RB1CC1: variants seen among roughly 807,000 people sequenced by gnomAD.
RB1CC1 encodes the protein RB1 inducible coiled-coil 1, also known as RB1-inducible coiled-coil protein 1.
A neutral mutation model predicts 177.5 loss-of-function variants in RB1CC1; 46 were observed. The ratio of observed to expected loss-of-function variants is 0.26; its 90% CI spans 0.20 to 0.33. The LOEUF (loss-of-function observed/expected upper bound fraction) is 0.33. Ranked by LOEUF, RB1CC1 falls within the 10% of genes least tolerant of loss-of-function variation. The probability of loss-of-function intolerance (pLI) is 1.00; values close to 1 mark genes in which losing one functional copy is unlikely to be tolerated. For synonymous variants in RB1CC1, 666 were observed against 613.6 expected (o/e 1.09, Z -1.26); for missense variants, 1,703 against 1,816.3 (o/e 0.94, Z 1.13).
chr8:52,712,516 A>AC (rs398007821), intron 1 of RB1CC1, among the ~76,000 whole-genome samples: 9 of 151,010 alleles, frequency 6.0e-5, no homozygotes, highest in South Asian at 2.1e-4. Context: ...AAAAAAAAAA[A>AC]CTCAGGGACA....
Position 52,659,608 on chromosome 8 carries a change from A to C in RB1CC1, c.1690-632T>G, listed in dbSNP as rs138217664. Among the ~76,000 whole-genome samples, 36 of 152,326 alleles carry C rather than the reference A, an allele frequency of 2.4e-4. 1 individual carries two copies. In the East Asian group the frequency reaches 6.9e-3, roughly 29 times the overall value. On this transcript the variant is annotated intron_variant, in intron 12 of 23. Transcript: ENST00000025008. ...CTTCATAAAAAAGAGTTCTCGGATA[A>C]ATAAGTATGGGAATCGCTATGTCAC... is the stretch of plus-strand genomic sequence containing the variant.
chr8:52,630,398 T>C, intron 21 of RB1CC1, 72 bp downstream of exon 21: 1 of 1,491,318 alleles, frequency 6.7e-7, no homozygotes. Context: ...TTACTGTCAC[T>C]GAAATACATT....
chr8:52,627,029 T>C (rs1321285413), intron 22 of RB1CC1, among the ~76,000 whole-genome samples: 1 of 151,944 alleles, frequency 6.6e-6, no homozygotes, highest in African/African-American at 2.4e-5. Flanking sequence ...CACTCCAGCC[T>C]GGGTAACAGA....
rs114068025 is a variant in RB1CC1, at chr8:52,639,188, T to A, written c.4338-3119A>T. On this transcript the variant is annotated intron_variant, in intron 18 of 23. Coordinates refer to ENST00000025008, the MANE Select transcript of RB1CC1 (RefSeq NM_014781.5). The stretch of plus-strand genomic sequence containing the variant: ...AAAATGATATCTTAATAATACTCCA[T>A]TTCCATCTATCTTTCCACGTACAGC... 4.6e-3 allele frequency among the ~76,000 whole-genome samples: 704 copies of A among 152,256 alleles called. 5 individuals are homozygous for A. The highest frequency in any genetic ancestry group is 0.016 in the African/African-American group (676 of 41,578).
intron 1 of RB1CC1, among the ~76,000 whole-genome samples, chr8:52,699,468 C>T (rs1207714588): frequency 4.0e-5 from 6 of 151,888 alleles, no homozygotes; most frequent in African/African-American, 1.5e-4. Flanking sequence ...CATCATAGCT[C>T]ATTCTTCTAT....
At chr8:52,632,811 C>T (rs1030828453) in intron 20 of RB1CC1, among the ~76,000 whole-genome samples, 11 of 152,160 alleles carry the variant, frequency 7.2e-5, no homozygotes, top group African/African-American at 2.7e-4. Context: ...TCACAATTTG[C>T]CCACAAGAAA....
At chr8:52,653,645 T>C (rs928621477) in intron 15 of RB1CC1, among the ~76,000 whole-genome samples, 2 of 152,118 alleles carry the variant, frequency 1.3e-5, no homozygotes, top group African/African-American at 4.8e-5. Flanking sequence ...TTGGGCCCAA[T>C]GGTTCCCTCA....
chr8:52,648,977 ATG>A (rs1210491537), intron 15 of RB1CC1, among the ~76,000 whole-genome samples: 1 of 152,354 alleles, frequency 6.6e-6, no homozygotes, highest in East Asian at 1.9e-4. Flanking sequence ...CAAGTGACTA[ATG>A]TGTGGAGAGT....
intron 8 of RB1CC1, among the ~76,000 whole-genome samples, chr8:52,666,529 A>G (rs199613894): frequency 6.0e-4 from 90 of 149,698 alleles, no homozygotes; most frequent in Admixed American, 8.0e-4. Context: ...AAAAAAAAAA[A>G]AAAGAAAGAA....
chr8:52,658,469 C>T (rs770716662), intron 13 of RB1CC1, among the ~76,000 whole-genome samples: 7 of 150,448 alleles, frequency 4.7e-5, no homozygotes, highest in Non-Finnish European at 8.8e-5. Flanking sequence ...CCCAGCTACT[C>T]AGGAGGCTGA....
chr8:52,647,406 ATTTACT>A (rs1214090176), intron 15 of RB1CC1, among the ~76,000 whole-genome samples: 2 of 152,246 alleles, frequency 1.3e-5, no homozygotes, highest in Non-Finnish European at 2.9e-5. Flanking sequence ...AAGGCGAAGG[ATTTACT>A]TTTAAAGTTT....
chr8:52,636,162 A>G (rs759840552), intron 18 of RB1CC1, 93 bp from the exon 19 acceptor site: 297 of 1,360,844 alleles, frequency 2.2e-4, no homozygotes, highest in Non-Finnish European at 2.9e-4. Context: ...AGATCACTTT[A>G]ACAATTTAAG....
intron 18 of RB1CC1, 23 bp downstream of exon 18, chr8:52,642,328 C>T (rs1849652391): frequency 6.3e-7 from 1 of 1,592,650 alleles, no homozygotes; most frequent in Admixed American, 1.7e-5. Flanking sequence ...GCCTTAAAAA[C>T]AGTTGAAAAC....
At chr8:52,651,870 AAAAAGTACAAG>A (rs1390723263) in intron 15 of RB1CC1, among the ~76,000 whole-genome samples, 2 of 152,236 alleles carry the variant, frequency 1.3e-5, no homozygotes, top group Non-Finnish European at 2.9e-5. Flanking sequence ...TGCATGAGTA[AAAAAGTACAAG>A]AGATGTACCA....
At chr8:52,687,379 T>G (rs1301897795) in intron 1 of RB1CC1, among the ~76,000 whole-genome samples, 1 of 152,090 alleles carries the variant, frequency 6.6e-6, no homozygotes, top group East Asian at 1.9e-4. Flanking sequence ...CAGCAGCAAT[T>G]ATCTGTACCA....
intron 18 of RB1CC1, among the ~76,000 whole-genome samples, chr8:52,639,918 T>C (rs1334070369): frequency 6.6e-6 from 1 of 152,258 alleles, no homozygotes; most frequent in Non-Finnish European, 1.5e-5. Context: ...ACTTGTATCA[T>C]GTTCTCTGTA....
At chr8:52,679,826 G>A (rs765110109) in intron 5 of RB1CC1, among the ~76,000 whole-genome samples, 1 of 152,126 alleles carries the variant, frequency 6.6e-6, no homozygotes, top group Non-Finnish European at 1.5e-5. Flanking sequence ...TGAAATTAGA[G>A]AGTAGCAGAA....
At chr8:52,711,466 C>G (rs533204857) in intron 1 of RB1CC1, among the ~76,000 whole-genome samples, 12 of 152,310 alleles carry the variant, frequency 7.9e-5, no homozygotes, top group African/African-American at 2.9e-4. Context: ...TACTCTACAT[C>G]CTCAAAGTAA....
chr8:52,689,772 T>C (rs1038507570), intron 1 of RB1CC1, among the ~76,000 whole-genome samples: 1 of 152,058 alleles, frequency 6.6e-6, no homozygotes, highest in Non-Finnish European at 1.5e-5. Context: ...TAGGATTCTA[T>C]TTGCCCTGCC....
Sources: gnomAD v4.1 joint callset for allele counts (sites outside exome capture counted in the v4.1 genomes callset) on GRCh38, gnomAD v4.1.1 for gene constraint, MANE v1.5 for transcripts, NCBI Gene and HGNC (gene_info 2026-07-23, HGNC 2026-07-21) for gene names.